Variants in PCDHGA1 observed in about 807,000 individuals in gnomAD.
PCDHGA1 encodes the protein protocadherin gamma-A1.
In PCDHGA1, 32 loss-of-function variants were observed where a neutral mutation model predicts 58.0. The observed-to-expected ratio is 0.55, with a 90% CI of 0.42 to 0.74. The LOEUF (loss-of-function observed/expected upper bound fraction) is 0.74, where lower values mean the gene tolerates loss of function less well. Ranked by LOEUF, PCDHGA1 falls within the 30% of genes least tolerant of loss-of-function variation. PCDHGA1 has a pLI of 0.00. For synonymous variants in PCDHGA1, 498 were observed against 501.1 expected (o/e 0.99, Z 0.08); for missense variants, 1,205 against 1,182.3 (o/e 1.02, Z -0.28).
chr5:141,352,348 A>C, intron 1 of PCDHGA1: 1 of 1,613,802 alleles, frequency 6.2e-7, no homozygotes. Context: ...CCTTGATCTC[A>C]GTGCTCTTTC....
At chr5:141,375,609 C>T (rs755429700) in intron 1 of PCDHGA1, 8 of 1,614,226 alleles carry the variant, frequency 5.0e-6, no homozygotes, top group South Asian at 3.3e-5. Context: ...TCCATCAACT[C>T]CGACACTGGG....
intron 1 of PCDHGA1, chr5:141,400,271 C>G: frequency 1.2e-6 from 2 of 1,614,094 alleles, no homozygotes; most frequent in Non-Finnish European, 1.7e-6. Flanking sequence ...CGACGCTCCT[C>G]CAGCCCTGCC....
In PCDHGA1 at chr5:141,489,456, G is replaced by A. The variant is rs1468723020; in HGVS notation, c.2422-5351G>A. The A allele has an allele frequency of 1.2e-6, 2 of 1,614,050 alleles. No homozygotes were observed. Among genetic ancestry groups the A allele is most frequent in the Non-Finnish European group, 1.7e-6 (2 of 1,180,016 alleles). ...TGCAATTGGGCTCTGAGGAGAATGG[G>A]CGCTATTTTTCCCTGAGCTTGATGA... On this transcript the variant is annotated intron_variant, in intron 1 of 3. Transcript: ENST00000517417. This position sits in a 1 kb window ranked among gnomAD's most constrained non-coding sequence, Gnocchi z 4.5.
chr5:141,344,105 C>A lies in PCDHGA1; in HGVS notation c.2421+11000C>A, dbSNP rs199763392. 1.5e-5 allele frequency: 24 copies of A among 1,613,716 alleles called. No homozygotes were observed. The African/African-American group carries it at 2.1e-4, about 14-fold the overall frequency. On this transcript the variant is annotated intron_variant, in intron 1 of 3. Coordinates refer to ENST00000517417, the MANE Select transcript of PCDHGA1 (RefSeq NM_018912.3). Reference sequence around the variant, plus strand: ...TGTGCGCGCTCCTGGGGACGCTGTGCGAAACAGGATCCGGTCAGATCCGCT... The same window carrying A: ...TGTGCGCGCTCCTGGGGACGCTGTGAGAAACAGGATCCGGTCAGATCCGCT...
chr5:141,343,989 G>A, intron 1 of PCDHGA1: 1 of 1,471,062 alleles, frequency 6.8e-7, no homozygotes, highest in South Asian at 1.4e-5. Context: ...GTCCGTCGTA[G>A]GAAACTGGAA....
chr5:141,388,447 G>C (rs775979306), intron 1 of PCDHGA1: 2 of 1,613,802 alleles, frequency 1.2e-6, no homozygotes, highest in Non-Finnish European at 1.7e-6. Flanking sequence ...AAATCAGATG[G>C]CAGTAAATAC....
intron 1 of PCDHGA1, among the ~76,000 whole-genome samples, chr5:141,358,211 G>A (rs1760853496): frequency 6.6e-6 from 1 of 152,100 alleles, no homozygotes; most frequent in African/African-American, 2.4e-5. Context: ...ATAAAATAAA[G>A]TAAAATAAAG....
intron 2 of PCDHGA1, among the ~76,000 whole-genome samples, chr5:141,499,984 G>A (rs1350203006): frequency 6.6e-6 from 1 of 151,872 alleles, no homozygotes; most frequent in East Asian, 1.9e-4. Context: ...CACCTTGCCC[G>A]GCCAGATGAT....
At chr5:141,357,201 C>A in intron 1 of PCDHGA1, 1 of 1,613,844 alleles carries the variant, frequency 6.2e-7, no homozygotes, top group Non-Finnish European at 8.5e-7. Context: ...TGGCCGACAG[C>A]ATCCCAGATG....
At chr5:141,499,189 C>T (rs1406015145) in intron 2 of PCDHGA1, among the ~76,000 whole-genome samples, 3 of 152,088 alleles carry the variant, frequency 2.0e-5, no homozygotes, top group African/African-American at 7.2e-5. Flanking sequence ...AAACCATTTC[C>T]CCCTTCTTAG....
intron 1 of PCDHGA1, chr5:141,360,461 T>C: frequency 6.2e-7 from 1 of 1,613,974 alleles, no homozygotes; most frequent in African/African-American, 1.3e-5. Context: ...TTCGATACTG[T>C]CGCTGAAAAT....
At chr5:141,390,424 T>C (rs1175804708) in intron 1 of PCDHGA1, 23 of 1,041,938 alleles carry the variant, frequency 2.2e-5, no homozygotes, top group Non-Finnish European at 3.0e-5. Flanking sequence ...GTTAAAAAGC[T>C]GTCATATCAT....
intron 1 of PCDHGA1, among the ~76,000 whole-genome samples, chr5:141,438,591 CATATAT>C (rs946798767): frequency 1.2e-3 from 91 of 75,538 alleles, no homozygotes; most frequent in Non-Finnish European, 1.7e-3. Flanking sequence ...TACATACATA[CATATAT>C]ATATATATAT....
chr5:141,455,936 C>T (rs1194722770), intron 1 of PCDHGA1, among the ~76,000 whole-genome samples: 3 of 151,422 alleles, frequency 2.0e-5, no homozygotes, highest in East Asian at 3.9e-4. Flanking sequence ...CTCGCTCTGT[C>T]GCCCAGGCTG....
chr5:141,503,367 C>T (rs1038565489), intron 2 of PCDHGA1, among the ~76,000 whole-genome samples: 5 of 151,908 alleles, frequency 3.3e-5, no homozygotes, highest in African/African-American at 9.7e-5. Flanking sequence ...GAAGCGGAGG[C>T]AGGTGGATCA....
intron 1 of PCDHGA1, among the ~76,000 whole-genome samples, chr5:141,457,938 G>A (rs915640623): frequency 6.6e-6 from 1 of 152,160 alleles, no homozygotes; most frequent in African/African-American, 2.4e-5. Flanking sequence ...GCTTTTATTG[G>A]CTCTGCATGT....
In PCDHGA1 at chr5:141,431,468, G is replaced by C. The variant is rs756718016; in HGVS notation, c.2422-63339G>C. 4 of 1,613,804 alleles carry C rather than the reference G, an allele frequency of 2.5e-6. No homozygotes were observed. Among genetic ancestry groups the C allele is most frequent in the Non-Finnish European group, 3.4e-6 (4 of 1,179,964 alleles). On this transcript the variant is annotated intron_variant, in intron 1 of 3. Coordinates refer to ENST00000517417, the MANE Select transcript of PCDHGA1 (RefSeq NM_018912.3). The surrounding 1 kb of genome is among the most constrained non-coding windows in gnomAD (Gnocchi z 4.8). Reference sequence around the variant, plus strand: ...CCGCGTGATGGTTCTGGATGCGAACGACAACGCACCAGCGTTTGCTCAGCC... The same window carrying C: ...CCGCGTGATGGTTCTGGATGCGAACCACAACGCACCAGCGTTTGCTCAGCC...
chr5:141,371,555 A>C, intron 1 of PCDHGA1: 1 of 1,613,862 alleles, frequency 6.2e-7, no homozygotes, highest in Non-Finnish European at 8.5e-7. Context: ...GCCAACTAAA[A>C]GGAAACTTCC....
At chr5:141,403,240 T>A (rs948095468) in intron 1 of PCDHGA1, 2 of 1,613,926 alleles carry the variant, frequency 1.2e-6, no homozygotes, top group Admixed American at 3.3e-5. Flanking sequence ...AGGAGCTCTG[T>A]GCTCAGAGCC....
Sources: allele counts gnomAD v4.1 joint callset (sites outside exome capture counted in the v4.1 genomes callset), GRCh38; gene constraint gnomAD v4.1.1; non-coding constraint Gnocchi (gnomAD v3.1); transcripts MANE v1.5; gene names NCBI Gene and HGNC (gene_info 2026-07-23, HGNC 2026-07-21).